Variants in CLNK observed in about 807,000 individuals in gnomAD.
CLNK encodes the protein cytokine dependent hematopoietic cell linker, also known as cytokine-dependent hematopoietic cell linker.
A neutral mutation model predicts 68.6 loss-of-function variants in CLNK; 74 were observed. The ratio of observed to expected loss-of-function variants is 1.08; its 90% CI spans 0.89 to 1.31. CLNK has a LOEUF of 1.31. Among genes scored for constraint, CLNK ranks in the 50% most tolerant of loss-of-function variants. The pLI is 0.00. For synonymous variants in CLNK, 198 were observed against 172.2 expected, an observed-to-expected ratio of 1.15 and a Z score of -1.17; for missense variants, 553 against 515.3, an observed-to-expected ratio of 1.07 and a Z score of -0.71.
At chr4:10,627,868 T>G (rs1354785177) in intron 2 of CLNK, among the ~76,000 whole-genome samples, 1 of 152,144 alleles carries the variant, frequency 6.6e-6, no homozygotes, top group Non-Finnish European at 1.5e-5. Flanking sequence ...GCTCCAGAAC[T>G]TACTGAGAAA....
intron 3 of CLNK, among the ~76,000 whole-genome samples, chr4:10,592,808 C>G (rs965896810): frequency 6.6e-6 from 1 of 152,110 alleles, no homozygotes; most frequent in Non-Finnish European, 1.5e-5. Flanking sequence ...TCACTGCAAC[C>G]TCCACCTCCC....
intron 16 of CLNK, among the ~76,000 whole-genome samples, chr4:10,510,287 G>A (rs995305415): frequency 2.6e-5 from 4 of 152,072 alleles, no homozygotes; most frequent in Non-Finnish European, 5.9e-5. Context: ...TAATTCAAAA[G>A]GAATGTTTCA....
At chr4:10,555,518 C>G (rs761070824) in intron 8 of CLNK, among the ~76,000 whole-genome samples, 6 of 152,078 alleles carry the variant, frequency 3.9e-5, no homozygotes, top group Admixed American at 2.0e-4. Flanking sequence ...AAACTTTTAC[C>G]TATTTTTAGG....
At chr4:10,709,428 T>A in the CLNK span, among the ~76,000 whole-genome samples, 88 of 152,222 alleles carry the variant, frequency 5.8e-4, 7 homozygotes, top group Non-Finnish European at 1.5e-5. Context: ...CAAAGTCTCG[T>A]GGAAGTTAAG....
chr4:10,691,491 A>T, the CLNK span, among the ~76,000 whole-genome samples: 2 of 152,166 alleles, frequency 1.3e-5, no homozygotes, highest in South Asian at 2.1e-4. Context: ...TTTCCAGCTC[A>T]GCATAGCTAT....
At chr4:10,697,763 A>G in the CLNK span, 1 of 151,774 alleles carries the variant, frequency 6.6e-6, no homozygotes, top group African/African-American at 2.4e-5. Context: ...TTGGCTCTTC[A>G]CTCTCCTGGG....
chr4:10,666,638 C>A (rs1724405184), intron 2 of CLNK, among the ~76,000 whole-genome samples: 1 of 152,218 alleles, frequency 6.6e-6, no homozygotes, highest in African/African-American at 2.4e-5. Flanking sequence ...CTAGTAATAC[C>A]TGCCACCCAG....
chr4:10,541,610 A>C lies in CLNK; in HGVS notation c.491+412T>G, dbSNP rs866208116. ...GTCATATATATATGTATATATATAT[A>C]TCTCACATGAATATATACTTAATAT... On this transcript the variant is annotated intron_variant, in intron 10 of 18. Coordinates refer to ENST00000226951, the MANE Select transcript of CLNK (RefSeq NM_052964.4). 2.0e-5 allele frequency among the ~76,000 whole-genome samples: 3 copies of C among 147,150 alleles called. No homozygotes were observed. In the Admixed American group the frequency reaches 2.0e-4, roughly 10 times the overall value.
chr4:10,723,270 G>C, the CLNK span, among the ~76,000 whole-genome samples: 9 of 152,134 alleles, frequency 5.9e-5, no homozygotes, highest in African/African-American at 2.2e-4. Context: ...AAGTGCTTAC[G>C]ATCCGTGCTT....
intron 2 of CLNK, among the ~76,000 whole-genome samples, chr4:10,631,895 C>A (rs2108869308): frequency 6.6e-6 from 1 of 152,226 alleles, no homozygotes; most frequent in Admixed American, 6.5e-5. Context: ...GGTAAGGATT[C>A]AAATATGTCT....
At chr4:10,580,308 CATA>C (rs1391756450) in intron 4 of CLNK, among the ~76,000 whole-genome samples, 3 of 152,206 alleles carry the variant, frequency 2.0e-5, no homozygotes, top group African/African-American at 4.8e-5. Flanking sequence ...ATGTACAGTA[CATA>C]ATACTTCTTA....
chr4:10,496,778 T>C lies in CLNK; in HGVS notation c.1140+4478A>G, dbSNP rs116459982. 3.3e-3 allele frequency among the ~76,000 whole-genome samples: 507 copies of C among 152,322 alleles called. 6 individuals carry two copies. Among genetic ancestry groups the C allele is most frequent in the African/African-American group, 0.012 (480 of 41,566 alleles). ...CTTTCTATTTACATAGGGCCTACACTGAGTAAATGACTTTGTAACTTTACT... is the reference window on the plus strand; with the variant it reads ...CTTTCTATTTACATAGGGCCTACACCGAGTAAATGACTTTGTAACTTTACT... On this transcript the variant is annotated intron_variant, in intron 18 of 18. Coordinates refer to ENST00000226951, the MANE Select transcript of CLNK (RefSeq NM_052964.4).
the CLNK span, among the ~76,000 whole-genome samples, chr4:10,734,483 C>T: frequency 2.0e-5 from 3 of 152,272 alleles, no homozygotes; most frequent in East Asian, 1.9e-4. Flanking sequence ...TTGTCCTTTT[C>T]GTGATTGAGG....
intron 2 of CLNK, among the ~76,000 whole-genome samples, chr4:10,636,806 C>T (rs1391359464): frequency 1.3e-5 from 2 of 152,222 alleles, no homozygotes; most frequent in Non-Finnish European, 2.9e-5. Context: ...TGTGTGGTCA[C>T]TGCTCACCCA....
chr4:10,663,002 TG>T (rs1724252940), intron 2 of CLNK, among the ~76,000 whole-genome samples: 1 of 152,170 alleles, frequency 6.6e-6, no homozygotes, highest in Admixed American at 6.5e-5. Flanking sequence ...CAAAAGAGCC[TG>T]GGTGGCCAGT....
At chr4:10,541,663 T>G (rs187003695) in intron 10 of CLNK, among the ~76,000 whole-genome samples, 201 of 152,202 alleles carry the variant, frequency 1.3e-3, no homozygotes, top group Middle Eastern at 3.4e-3. Flanking sequence ...TATCCCATTT[T>G]CATATGAATC....
intron 3 of CLNK, 74 bp from the exon 4 acceptor site, chr4:10,585,029 GCAGTCATCAAACGT>G (rs1720920497): frequency 1.3e-6 from 2 of 1,516,546 alleles, no homozygotes; most frequent in Non-Finnish European, 1.8e-6. Context: ...ATAGGAACAG[GCAGTCATCAAACGT>G]CATTGTACAA....
intron 7 of CLNK, among the ~76,000 whole-genome samples, chr4:10,561,194 C>T (rs1003987695): frequency 6.6e-6 from 1 of 152,224 alleles, no homozygotes; most frequent in Middle Eastern, 3.4e-3. Flanking sequence ...AACTACTGCA[C>T]CTGGCTAAAA....
intron 1 of CLNK, among the ~76,000 whole-genome samples, chr4:10,675,034 T>C (rs978198773): frequency 6.6e-6 from 1 of 152,024 alleles, no homozygotes; most frequent in African/African-American, 2.4e-5. Context: ...GGACAAAGCA[T>C]GTGGGGCTTA....
Sources: gnomAD v4.1 joint callset for allele counts (sites outside exome capture counted in the v4.1 genomes callset) on GRCh38, gnomAD v4.1.1 for gene constraint, MANE v1.5 for transcripts, NCBI Gene and HGNC (gene_info 2026-07-23, HGNC 2026-07-21) for gene names.